C10orf90: variants seen among roughly 807,000 people sequenced by gnomAD.
The protein encoded by C10orf90 is (E2-independent) E3 ubiquitin-conjugating enzyme FATS.
C10orf90 carries 56 observed loss-of-function variants against 62.5 expected under a neutral mutation model. The ratio of observed to expected loss-of-function variants is 0.90; its 90% confidence interval spans 0.72 to 1.12. C10orf90 has a LOEUF of 1.12. Among genes scored for constraint, C10orf90 ranks in the 50% most tolerant of loss-of-function variants. The probability of loss-of-function intolerance (pLI) is 0.00; values close to 1 mark genes in which losing one functional copy is unlikely to be tolerated. For missense variants in C10orf90, 970 were observed against 880.4 expected (o/e 1.10, Z -1.29); for synonymous variants, 386 against 340.4 (o/e 1.13, Z -1.47).
chr10:126,504,650 C>T lies in C10orf90; in HGVS notation c.841G>A (p.Ala281Thr), dbSNP rs751892672. 20 of 1,614,108 alleles carry T rather than the reference C, an allele frequency of 1.2e-5. No individual in the cohort carries two copies. In the African/African-American group the frequency reaches 2.5e-4, roughly 20 times the overall value. The change falls in exon 4 of 10, where the codon GCC (alanine) becomes ACC (threonine). Residue 281 changes from alanine to threonine, a missense_variant. Transcript: ENST00000488181. This position sits in a 1 kb window ranked among gnomAD's most constrained non-coding sequence, Gnocchi z 4.1. ...GATCTCTGATGCCGACCTGGATGGGCGCCATTGGCCAGAGCCGGGGGCGCC... is the reference window on the plus strand; with the variant it reads ...GATCTCTGATGCCGACCTGGATGGGTGCCATTGGCCAGAGCCGGGGGCGCC... ...FQAPPALANG[A>T]HPGRHQRSFA... is the part of the protein sequence containing the mutation.
At position 126,569,623 on chromosome 10, in the gene C10orf90, G is replaced by A. The variant is rs182505186; in HGVS notation, c.314-55684C>T. Reference sequence around the variant, plus strand: ...AACGAAAAATTAGAAGCAGAAGCCAGGGTGAACAGAAAGAGGGTGTGTCTT... The same window carrying A: ...AACGAAAAATTAGAAGCAGAAGCCAAGGTGAACAGAAAGAGGGTGTGTCTT... On this transcript the variant is annotated intron_variant, in intron 2 of 9. Transcript: ENST00000488181. 2.0e-5 allele frequency among the ~76,000 whole-genome samples: 3 copies of A among 152,340 alleles called. No individual in the cohort carries two copies. The East Asian group carries it at 5.8e-4, about 29-fold the overall frequency.
chr10:126,634,571 A>G (rs965544818), intron 2 of C10orf90, among the ~76,000 whole-genome samples: 1 of 152,194 alleles, frequency 6.6e-6, no homozygotes, highest in African/African-American at 2.4e-5. Flanking sequence ...CAACAAGTGT[A>G]CAATAGCGTA....
At chr10:126,667,703 G>C (rs77504089) in intron 1 of C10orf90, among the ~76,000 whole-genome samples, 2,014 of 152,262 alleles carry the variant, frequency 0.013, 48 homozygotes, top group African/African-American at 0.046. Context: ...GCTGCATAGA[G>C]AGTCTCAGAA....
chr10:126,574,112 C>G (rs1225267558), intron 2 of C10orf90, among the ~76,000 whole-genome samples: 1 of 152,116 alleles, frequency 6.6e-6, no homozygotes, highest in African/African-American at 2.4e-5. Flanking sequence ...AGTGAGGATG[C>G]CCTTCAATGC....
intron 1 of C10orf90, among the ~76,000 whole-genome samples, chr10:126,655,839 C>CAAAAAAA (rs56164675): frequency 2.1e-5 from 3 of 139,806 alleles, no homozygotes; most frequent in Non-Finnish European, 3.1e-5. Context: ...CAAAACAAAA[C>CAAAAAAA]AAAAAAAAAA....
intron 2 of C10orf90, among the ~76,000 whole-genome samples, chr10:126,566,020 T>C (rs891868104): frequency 1.3e-5 from 2 of 152,228 alleles, no homozygotes; most frequent in Admixed American, 6.5e-5. Context: ...GACTACCCTA[T>C]TGTCATTAGT....
intron 1 of C10orf90, among the ~76,000 whole-genome samples, chr10:126,664,194 A>G (rs766068150): frequency 3.3e-5 from 5 of 152,176 alleles, no homozygotes; most frequent in Admixed American, 6.5e-5. Flanking sequence ...ATAGAAGGTC[A>G]TAAGTCTCTG....
intron 2 of C10orf90, among the ~76,000 whole-genome samples, chr10:126,557,966 C>T (rs966175148): frequency 2.0e-5 from 3 of 152,074 alleles, no homozygotes; most frequent in Non-Finnish European, 4.4e-5. Context: ...GAAGCATTCG[C>T]CAGTCCACTC....
chr10:126,432,469 A>G (rs963046222), intron 7 of C10orf90, among the ~76,000 whole-genome samples: 3 of 152,242 alleles, frequency 2.0e-5, no homozygotes, highest in Non-Finnish European at 2.9e-5. Context: ...GAGAAGCTGG[A>G]CAAGTCAAAA....
chr10:126,465,004 G>C lies in C10orf90; in HGVS notation c.1535-18C>G. The C allele has an allele frequency of 6.3e-7, 1 of 1,590,412 alleles. No individual in the cohort carries two copies. Among genetic ancestry groups the C allele is most frequent in the East Asian group, 2.3e-5 (1 of 44,298 alleles). On this transcript the variant is annotated intron_variant, in intron 4 of 9. Coordinates refer to ENST00000488181, the MANE Select transcript of C10orf90 (RefSeq NM_001350921.2). ...TGTGTGTACTAAAAATAAAACGAGA[G>C]TTGTGCTCAAAATCTCTTATGAATC... is the stretch of plus-strand genomic sequence containing the variant.
At chr10:126,570,668 G>T (rs1844487862) in intron 2 of C10orf90, among the ~76,000 whole-genome samples, 1 of 152,094 alleles carries the variant, frequency 6.6e-6, no homozygotes, top group Non-Finnish European at 1.5e-5. Flanking sequence ...CCTCACTGAA[G>T]GTATTTTGCT....
chr10:126,502,775 A>G (rs777171332), intron 4 of C10orf90: 21 of 519,766 alleles, frequency 4.0e-5, no homozygotes, highest in East Asian at 1.1e-4. Context: ...TTTAACCACT[A>G]AAGTGGGATT....
intron 2 of C10orf90, chr10:126,521,207 C>T (rs1374336905): frequency 6.9e-7 from 1 of 1,457,688 alleles, no homozygotes; most frequent in Non-Finnish European, 9.5e-7. Context: ...TCATACAGTA[C>T]TGGGCCCAGA....
chr10:126,648,653 A>G (rs73370860), intron 1 of C10orf90, among the ~76,000 whole-genome samples: 14,532 of 152,276 alleles, frequency 0.095, 700 homozygotes, highest in South Asian at 0.15. Flanking sequence ...CTGGAAAATA[A>G]TTTAAATCTT....
At chr10:126,565,365 T>G (rs1369023753) in intron 2 of C10orf90, among the ~76,000 whole-genome samples, 8 of 78,830 alleles carry the variant, frequency 1.0e-4, no homozygotes, top group Non-Finnish European at 1.6e-4. Flanking sequence ...TAATATATAT[T>G]ATTTTATATA....
intron 2 of C10orf90, among the ~76,000 whole-genome samples, chr10:126,549,234 T>A (rs1864572605): frequency 1.3e-5 from 2 of 151,852 alleles, no homozygotes; most frequent in South Asian, 4.2e-4. Context: ...AGTCACAGAG[T>A]GAGAGAAAAT....
At chr10:126,534,803 G>A (rs1307535329) in intron 2 of C10orf90, among the ~76,000 whole-genome samples, 1 of 152,150 alleles carries the variant, frequency 6.6e-6, no homozygotes, top group African/African-American at 2.4e-5. Flanking sequence ...GGAATCTCTT[G>A]TTTCCGCGTA....
At chr10:126,620,642 C>G (rs532824702) in intron 2 of C10orf90, among the ~76,000 whole-genome samples, 9 of 151,532 alleles carry the variant, frequency 5.9e-5, no homozygotes, top group African/African-American at 1.9e-4. Flanking sequence ...TATTTTCCAT[C>G]TTAGAAGCCA....
chr10:126,653,777 T>C (rs767152038), intron 1 of C10orf90, among the ~76,000 whole-genome samples: 2 of 152,198 alleles, frequency 1.3e-5, no homozygotes, highest in Non-Finnish European at 2.9e-5. Context: ...TCACTCTCTA[T>C]GGCAGCTATA....
Sources: gnomAD v4.1 joint callset for allele counts (sites outside exome capture counted in the v4.1 genomes callset) on GRCh38, gnomAD v4.1.1 for gene constraint, Gnocchi (gnomAD v3.1) non-coding constraint, MANE v1.5 for transcripts, NCBI Gene and HGNC (gene_info 2026-07-23, HGNC 2026-07-21) for gene names.